Variants in EYS observed in about 807,000 individuals in gnomAD.
EYS encodes protein eyes shut homolog.
EYS carries 250 observed loss-of-function variants against 282.1 expected under a neutral mutation model. The ratio of observed to expected loss-of-function variants is 0.89; its 90% CI spans 0.80 to 0.98. The LOEUF (loss-of-function observed/expected upper bound fraction) is 0.98, where lower values mean the gene tolerates loss of function less well. EYS is among the 50% of genes least tolerant of loss of function. The pLI is 0.00. For synonymous variants in EYS, 1,355 were observed against 1,282.9 expected, an observed-to-expected ratio of 1.06 and a Z score of -1.20; for missense variants, 4,016 against 3,709.0, an observed-to-expected ratio of 1.08 and a Z score of -2.15.
chr6:65,602,015 C>T (rs1429254010), intron 2 of EYS, among the ~76,000 whole-genome samples: 1 of 151,850 alleles, frequency 6.6e-6, no homozygotes, highest in Non-Finnish European at 1.5e-5. Context: ...ATGACAAAAA[C>T]ATCCAGATAT....
chr6:64,396,060 G>T (rs1773362683), intron 28 of EYS, among the ~76,000 whole-genome samples: 1 of 151,850 alleles, frequency 6.6e-6, no homozygotes. Context: ...ACACAAGCAT[G>T]CACACACATG....
intron 5 of EYS, among the ~76,000 whole-genome samples, chr6:65,441,775 C>T (rs987392773): frequency 1.8e-4 from 27 of 152,038 alleles, no homozygotes. Context: ...ACTTCAAATT[C>T]TCCTGCTTTC....
intron 35 of EYS, among the ~76,000 whole-genome samples, chr6:63,868,329 T>C (rs1772717529): frequency 6.6e-6 from 1 of 152,108 alleles, no homozygotes; most frequent in Non-Finnish European, 1.5e-5. Context: ...TTAGAAAAAT[T>C]TAGCTGATTA....
chr6:64,592,341 C>T (rs538909917), intron 25 of EYS, among the ~76,000 whole-genome samples: 9 of 152,162 alleles, frequency 5.9e-5, no homozygotes, highest in South Asian at 2.1e-4. Context: ...TTTGACCCAT[C>T]GGGTTAGAAA....
At chr6:64,593,375 G>T in intron 24 of EYS, 66 bp from the exon 25 acceptor site, 1 of 1,338,690 alleles carries the variant, frequency 7.5e-7, no homozygotes, top group Non-Finnish European at 1.0e-6. Flanking sequence ...AAATTGTAAA[G>T]TTTGTTTTGA....
chr6:64,753,448 G>A (rs58266918), intron 22 of EYS, among the ~76,000 whole-genome samples: 5,763 of 148,680 alleles, frequency 0.039, 255 homozygotes, highest in East Asian at 0.14. Flanking sequence ...AACCAAAAGA[G>A]AACAAGAGTA....
intron 12 of EYS, among the ~76,000 whole-genome samples, chr6:65,172,232 A>C (rs1466677422): frequency 6.6e-6 from 1 of 151,556 alleles, no homozygotes; most frequent in Non-Finnish European, 1.5e-5. Context: ...ATTTCATAGA[A>C]GGTAAACTGA....
At chr6:64,046,108 A>G in intron 33 of EYS, among the ~76,000 whole-genome samples, 1 of 148,384 alleles carries the variant, frequency 6.7e-6, no homozygotes, top group East Asian at 1.9e-4. Flanking sequence ...ATATAATTAC[A>G]TATGTAATGT....
chr6:65,484,289 T>C (rs1360534045), intron 5 of EYS, among the ~76,000 whole-genome samples: 1 of 152,216 alleles, frequency 6.6e-6, no homozygotes, highest in African/African-American at 2.4e-5. Context: ...CCATTTGTCC[T>C]GGATGTTTTA....
intron 13 of EYS, among the ~76,000 whole-genome samples, chr6:64,999,936 T>A (rs9360106): frequency 6.6e-6 from 1 of 152,054 alleles, no homozygotes; most frequent in South Asian, 2.1e-4. Context: ...ATTCTCCAAG[T>A]CCAGGTGTGA....
chr6:64,261,653 T>A (rs1444895074), intron 30 of EYS, among the ~76,000 whole-genome samples: 1 of 152,114 alleles, frequency 6.6e-6, no homozygotes, highest in East Asian at 1.9e-4. Flanking sequence ...GTACTGTTTT[T>A]CTAGGACATT....
In EYS at chr6:65,598,245, CCCCA is replaced by C. The variant is rs1193830002; in HGVS notation, c.-333+41529_-333+41532del. ...AGACCCTCCTCCCCACCCACCCCCC[CCCCA>C]AAAAAAAAAACAAAAACTTTTCTCT... On this transcript the variant is annotated intron_variant, in intron 2 of 42. Coordinates refer to ENST00000503581, the MANE Select transcript of EYS (RefSeq NM_001142800.2). Among the ~76,000 whole-genome samples, 74 of 90,652 alleles carry C rather than the reference CCCCA, an allele frequency of 8.2e-4. 4 individuals are homozygous for C. In the South Asian group the frequency reaches 0.018, roughly 22 times the overall value. 59.5% of individuals were successfully genotyped at this position (90,652 alleles called of 152,430 possible).
At chr6:64,062,137 T>A (rs1771198016) in intron 33 of EYS, among the ~76,000 whole-genome samples, 2 of 152,090 alleles carry the variant, frequency 1.3e-5, no homozygotes, top group Non-Finnish European at 2.9e-5. Flanking sequence ...TTAGTGAGAA[T>A]TAAGTTGGAA....
At chr6:65,351,610 AAAG>A (rs1186560860) in intron 9 of EYS, among the ~76,000 whole-genome samples, 48 of 151,836 alleles carry the variant, frequency 3.2e-4, no homozygotes, top group Non-Finnish European at 7.4e-5. Flanking sequence ...ATAGTTCTCA[AAAG>A]AAGTTTAATA....
chr6:64,025,821 G>A (rs1423303383), intron 33 of EYS, among the ~76,000 whole-genome samples: 2 of 152,136 alleles, frequency 1.3e-5, no homozygotes, highest in African/African-American at 2.4e-5. Flanking sequence ...TCAGGGTATG[G>A]CCCTCCACTT....
At chr6:63,893,606 T>C (rs998629491) in intron 35 of EYS, among the ~76,000 whole-genome samples, 3 of 152,004 alleles carry the variant, frequency 2.0e-5, no homozygotes, top group Non-Finnish European at 4.4e-5. Context: ...GGGATAGCAT[T>C]AAGGAAAATA....
At chr6:64,500,770 T>C (rs1777012311) in intron 26 of EYS, among the ~76,000 whole-genome samples, 1 of 152,100 alleles carries the variant, frequency 6.6e-6, no homozygotes, top group Non-Finnish European at 1.5e-5. Context: ...TATTTTATGT[T>C]CTCAGAGCAT....
intron 31 of EYS, among the ~76,000 whole-genome samples, chr6:64,228,778 G>T (rs138247575): frequency 6.6e-6 from 1 of 151,928 alleles, no homozygotes; most frequent in African/African-American, 2.4e-5. Flanking sequence ...TTAAACCTCC[G>T]TGAAACCTTG....
At chr6:64,736,887 A>G (rs1755386567) in intron 22 of EYS, among the ~76,000 whole-genome samples, 1 of 152,216 alleles carries the variant, frequency 6.6e-6, no homozygotes, top group Non-Finnish European at 1.5e-5. Context: ...TAATTCCTAC[A>G]AAGAAAAATT....
Sources: allele counts gnomAD v4.1 joint callset (sites outside exome capture counted in the v4.1 genomes callset), GRCh38; gene constraint gnomAD v4.1.1; transcripts MANE v1.5; gene names NCBI Gene and HGNC (gene_info 2026-07-23, HGNC 2026-07-21).